YPEL2: variants seen among roughly 807,000 people sequenced by gnomAD.
YPEL2 encodes protein yippee-like 2.
A neutral mutation model predicts 19.1 loss-of-function variants in YPEL2; 2 were observed. That is an observed-to-expected ratio of 0.10 (90% CI 0.04 to 0.33). The LOEUF is 0.33. YPEL2 is among the 10% of genes least tolerant of loss of function. The probability of loss-of-function intolerance (pLI) is 1.00; values close to 1 mark genes in which losing one functional copy is unlikely to be tolerated. For missense variants in YPEL2, 66 were observed against 140.7 expected (o/e 0.47, Z 2.68); for synonymous variants, 52 against 50.0 (o/e 1.04, Z -0.17).
At chr17:59,371,378 A>G (rs888008653) in intron 2 of YPEL2, among the ~76,000 whole-genome samples, 8 of 152,236 alleles carry the variant, frequency 5.3e-5, no homozygotes, top group East Asian at 1.9e-4. Flanking sequence ...CCTGTCCCCA[A>G]TCCTCCACTT....
intron 1 of YPEL2, chr17:59,345,434 T>A (rs1484977729): frequency 6.6e-6 from 1 of 152,160 alleles, no homozygotes; most frequent in East Asian, 1.9e-4. Flanking sequence ...CCTGTGGGCC[T>A]TGCACATCAG....
At chr17:59,344,257 G>C (rs891488886) in intron 1 of YPEL2, among the ~76,000 whole-genome samples, 2 of 152,182 alleles carry the variant, frequency 1.3e-5, no homozygotes, top group South Asian at 4.1e-4. Context: ...TAGAGGGCTT[G>C]AGAGGGTGTG....
At chr17:59,339,310 G>A (rs181799583) in intron 1 of YPEL2, among the ~76,000 whole-genome samples, 9 of 152,222 alleles carry the variant, frequency 5.9e-5, no homozygotes, top group South Asian at 2.1e-4. Flanking sequence ...TGTTTTGCTC[G>A]CGGGGCTCTT....
At chr17:59,347,786 T>C (rs1260807613) in intron 1 of YPEL2, among the ~76,000 whole-genome samples, 1 of 152,130 alleles carries the variant, frequency 6.6e-6, no homozygotes, top group African/African-American at 2.4e-5. Context: ...TAAAGGATCC[T>C]AATGGAAGGG....
chr17:59,366,753 T>C (rs1356955906), intron 2 of YPEL2, among the ~76,000 whole-genome samples: 4 of 152,160 alleles, frequency 2.6e-5, no homozygotes, highest in Non-Finnish European at 5.9e-5. Flanking sequence ...TTAAGGTTCA[T>C]GCCAGAAACA....
chr17:59,380,861 C>T (rs974290543), intron 2 of YPEL2, among the ~76,000 whole-genome samples: 20 of 152,190 alleles, frequency 1.3e-4, no homozygotes, highest in African/African-American at 4.8e-4. Flanking sequence ...CAGTCCCATC[C>T]CTCCATTTTA....
intron 2 of YPEL2, chr17:59,354,624 G>A (rs867673168): frequency 6.6e-6 from 1 of 152,204 alleles, no homozygotes; most frequent in African/African-American, 2.4e-5. Flanking sequence ...TAGTAGTGAG[G>A]CTTTTCAAAT....
chr17:59,339,824 A>T (rs1444557298), intron 1 of YPEL2, among the ~76,000 whole-genome samples: 2 of 152,058 alleles, frequency 1.3e-5, no homozygotes, highest in Non-Finnish European at 2.9e-5. Context: ...TGTTGTGAGG[A>T]TTAATTGAGA....
chr17:59,337,440 C>T (rs1476498181), intron 1 of YPEL2, among the ~76,000 whole-genome samples: 5 of 151,970 alleles, frequency 3.3e-5, no homozygotes, highest in African/African-American at 9.7e-5. Context: ...CCGCCCGCCT[C>T]GGCCTCCCAA....
intron 2 of YPEL2, among the ~76,000 whole-genome samples, chr17:59,360,803 G>A (rs1362529498): frequency 1.3e-5 from 2 of 152,074 alleles, no homozygotes; most frequent in Non-Finnish European, 2.9e-5. Flanking sequence ...ACCCGTTCAG[G>A]ATGAAAAGAG....
At chr17:59,338,822 A>C (rs552782666) in intron 1 of YPEL2, among the ~76,000 whole-genome samples, 1 of 152,290 alleles carries the variant, frequency 6.6e-6, no homozygotes, top group Non-Finnish European at 1.5e-5. Context: ...CTGCCTTAAG[A>C]ATTCATCGTC....
intron 1 of YPEL2, among the ~76,000 whole-genome samples, chr17:59,332,059 C>G (rs917521897): frequency 1.3e-5 from 2 of 151,808 alleles, no homozygotes; most frequent in African/African-American, 4.8e-5. Context: ...CGCGGCCGCT[C>G]GCGGAGGGAG....
chr17:59,370,117 C>T (rs965491458), intron 2 of YPEL2, among the ~76,000 whole-genome samples: 8 of 152,188 alleles, frequency 5.3e-5, no homozygotes, highest in South Asian at 2.1e-4. Context: ...AGTGCAGTGG[C>T]GCGATCTGGG....
chr17:59,348,254 T>C (rs2047767011), intron 1 of YPEL2, among the ~76,000 whole-genome samples: 1 of 152,248 alleles, frequency 6.6e-6, no homozygotes, highest in Middle Eastern at 3.2e-3. Flanking sequence ...GGGGCCAGCC[T>C]TGTCTCATGT....
intron 2 of YPEL2, among the ~76,000 whole-genome samples, chr17:59,379,856 T>TTTTTGTTTTG (rs138395997): frequency 0.026 from 3,912 of 149,306 alleles, 178 homozygotes; most frequent in African/African-American, 0.087. Flanking sequence ...AAGTTTGGGG[T>TTTTTGTTTTG]TTTTGTTTTG....
intron 2 of YPEL2, among the ~76,000 whole-genome samples, chr17:59,359,170 C>T (rs765541696): frequency 6.6e-5 from 10 of 152,160 alleles, no homozygotes; most frequent in Non-Finnish European, 1.0e-4. Flanking sequence ...GCGATCCACG[C>T]GCCTTAGCCT....
chr17:59,386,678 C>G (rs1473664235), intron 2 of YPEL2, among the ~76,000 whole-genome samples: 2 of 152,134 alleles, frequency 1.3e-5, no homozygotes, highest in Non-Finnish European at 2.9e-5. Flanking sequence ...CAGGTCTAGA[C>G]CTGTGTCGCT....
At chr17:59,371,541 C>T (rs1176661000) in intron 2 of YPEL2, among the ~76,000 whole-genome samples, 1 of 152,218 alleles carries the variant, frequency 6.6e-6, no homozygotes, top group Admixed American at 6.5e-5. Flanking sequence ...CAGGGGCTGC[C>T]TGAGCCAGGC....
chr17:59,388,418 G>T, intron 3 of YPEL2, 48 bp downstream of exon 3: 1 of 1,588,060 alleles, frequency 6.3e-7, no homozygotes, highest in East Asian at 2.2e-5. Flanking sequence ...AGATTCGAGG[G>T]ATGGGAAAAA....
Sources: gnomAD v4.1 joint callset for allele counts (sites outside exome capture counted in the v4.1 genomes callset) on GRCh38, gnomAD v4.1.1 for gene constraint, MANE v1.5 for transcripts, NCBI Gene and HGNC (gene_info 2026-07-23, HGNC 2026-07-21) for gene names.